XRCC4: variants seen among roughly 807,000 people sequenced by gnomAD.
XRCC4 encodes X-ray repair cross complementing 4.
XRCC4 carries 28 observed loss-of-function variants against 39.1 expected under a neutral mutation model. The observed-to-expected ratio is 0.72, with a 90% CI of 0.53 to 0.98. The LOEUF is 0.98. Ranked by LOEUF, XRCC4 falls within the 50% of genes least tolerant of loss-of-function variation. The probability of loss-of-function intolerance (pLI) is 0.00; values close to 1 mark genes in which losing one functional copy is unlikely to be tolerated. For synonymous variants in XRCC4, 123 were observed against 126.4 expected, an observed-to-expected ratio of 0.97 and a Z score of 0.18; for missense variants, 350 against 376.4, an observed-to-expected ratio of 0.93 and a Z score of 0.58.
At chr5:83,242,162 T>TTG (rs60919474) in intron 6 of XRCC4, among the ~76,000 whole-genome samples, 22,972 of 145,220 alleles carry the variant, frequency 0.16, 2,282 homozygotes, top group East Asian at 0.57. Context: ...CGTATACACA[T>TTG]TGTGTGTGTG....
intron 3 of XRCC4, among the ~76,000 whole-genome samples, chr5:83,195,381 G>A (rs1750895029): frequency 6.6e-6 from 1 of 152,078 alleles, no homozygotes. Context: ...TTCCATTTTA[G>A]CATTTACATG....
chr5:83,140,959 A>C (rs1748142216), intron 3 of XRCC4, among the ~76,000 whole-genome samples: 1 of 152,222 alleles, frequency 6.6e-6, no homozygotes, highest in Non-Finnish European at 1.5e-5. Context: ...CCTTTTATGT[A>C]GCCAAGCTCA....
chr5:83,354,850 AGCT>A (rs1757172132), downstream of XRCC4, among the ~76,000 whole-genome samples: 1 of 152,084 alleles, frequency 6.6e-6, no homozygotes, highest in African/African-American at 2.4e-5. Flanking sequence ...TCTCTACTGC[AGCT>A]GCTGCAGCTA....
At chr5:83,283,997 A>C (rs1344135089) in intron 7 of XRCC4, among the ~76,000 whole-genome samples, 1 of 148,810 alleles carries the variant, frequency 6.7e-6, no homozygotes. Context: ...ATAAAGGAAA[A>C]TGAGAAGATT....
At chr5:83,085,300 A>G (rs992315858) in intron 1 of XRCC4, among the ~76,000 whole-genome samples, 1 of 152,174 alleles carries the variant, frequency 6.6e-6, no homozygotes, top group African/African-American at 2.4e-5. Flanking sequence ...AGACATGTCA[A>G]TATTTACCAT....
intron 3 of XRCC4, among the ~76,000 whole-genome samples, chr5:83,195,512 CT>C (rs28360134): frequency 0.015 from 2,313 of 152,182 alleles, 48 homozygotes; most frequent in African/African-American, 0.053. Context: ...ATGTTGCTTT[CT>C]TTTCTGCTAG....
At chr5:83,356,128 T>C (rs991960161), downstream of XRCC4, among the ~76,000 whole-genome samples, 2 of 152,138 alleles carry the variant, frequency 1.3e-5, no homozygotes, top group Non-Finnish European at 2.9e-5. Flanking sequence ...TATATAATTA[T>C]AAACTATCAA....
the XRCC4 span, among the ~76,000 whole-genome samples, chr5:83,359,441 C>T: frequency 6.6e-5 from 10 of 152,170 alleles, no homozygotes; most frequent in African/African-American, 2.2e-4. Context: ...GCTGAAGAAG[C>T]CAATCTATAA....
chr5:83,079,510 T>C (rs534921980), intron 1 of XRCC4, among the ~76,000 whole-genome samples: 11 of 152,314 alleles, frequency 7.2e-5, no homozygotes, highest in African/African-American at 2.6e-4. Context: ...GTCTGTGTTA[T>C]TCCTTTGTTC....
intron 3 of XRCC4, among the ~76,000 whole-genome samples, chr5:83,124,375 CT>C (rs1159316879): frequency 6.6e-6 from 1 of 152,012 alleles, no homozygotes; most frequent in Non-Finnish European, 1.5e-5. Context: ...AATATATATC[CT>C]TTTGAGATTG....
intron 6 of XRCC4, among the ~76,000 whole-genome samples, chr5:83,245,218 C>T (rs1490279990): frequency 6.7e-6 from 1 of 149,658 alleles, no homozygotes; most frequent in Admixed American, 6.7e-5. Context: ...TGTAAAAAAG[C>T]AACAGGTGTT....
downstream of XRCC4, among the ~76,000 whole-genome samples, chr5:83,354,989 T>C (rs1255279879): frequency 1.3e-5 from 2 of 152,126 alleles, no homozygotes; most frequent in Admixed American, 1.3e-4. Flanking sequence ...AATGAACCAT[T>C]GCCCTTTGAA....
At chr5:83,271,571 C>T (rs1468815043) in intron 7 of XRCC4, among the ~76,000 whole-genome samples, 8 of 152,132 alleles carry the variant, frequency 5.3e-5, no homozygotes, top group African/African-American at 1.9e-4. Flanking sequence ...CCTATTTTAC[C>T]TGGTAATGTC....
intron 3 of XRCC4, among the ~76,000 whole-genome samples, chr5:83,190,457 A>C (rs369567337): frequency 1.3e-5 from 2 of 152,208 alleles, no homozygotes; most frequent in African/African-American, 4.8e-5. Context: ...ATGAGATTCT[A>C]TCTGGCCGTT....
chr5:83,302,937 G>C (rs546078502), intron 7 of XRCC4, among the ~76,000 whole-genome samples: 1 of 152,306 alleles, frequency 6.6e-6, no homozygotes, highest in East Asian at 1.9e-4. Flanking sequence ...GTCAGGCCGG[G>C]CGCAGTGGCT....
chr5:83,205,603 T>A (rs4343818), intron 6 of XRCC4, among the ~76,000 whole-genome samples: 59,629 of 151,952 alleles, frequency 0.39, 12,225 homozygotes, highest in Non-Finnish European at 0.44. Flanking sequence ...AATAAATGCT[T>A]GATTTATTTA....
chr5:83,099,370 T>G lies in XRCC4; in HGVS notation c.-10-5540T>G, dbSNP rs889158737. On this transcript the variant is annotated intron_variant, in intron 1 of 7. Coordinates refer to ENST00000396027, the MANE Select transcript of XRCC4 (RefSeq NM_003401.5). ...GTTCAAAATGGTGTTATCAATGATA[T>G]AGTGTTGTAACTAACTTGAGCTGAC... 2.0e-5 allele frequency among the ~76,000 whole-genome samples: 3 copies of G among 152,314 alleles called. No homozygotes were observed. The South Asian group carries it at 6.2e-4, about 32-fold the overall frequency.
At chr5:83,257,414 C>T (rs1399900897) in intron 6 of XRCC4, among the ~76,000 whole-genome samples, 4 of 151,584 alleles carry the variant, frequency 2.6e-5, no homozygotes, top group African/African-American at 7.3e-5. Context: ...GACATTTATG[C>T]GGTCAACAGA....
chr5:83,081,300 C>A (rs1179542569), intron 1 of XRCC4, among the ~76,000 whole-genome samples: 1 of 152,132 alleles, frequency 6.6e-6, no homozygotes, highest in African/African-American at 2.4e-5. Context: ...CACTGTTATT[C>A]ACATATATTG....
Sources: gnomAD v4.1 joint callset for allele counts (sites outside exome capture counted in the v4.1 genomes callset) on GRCh38, gnomAD v4.1.1 for gene constraint, MANE v1.5 for transcripts, NCBI Gene and HGNC (gene_info 2026-07-23, HGNC 2026-07-21) for gene names.